ZNF536: variants seen among roughly 807,000 people sequenced by gnomAD.
The protein encoded by ZNF536 is zinc finger protein 536.
In ZNF536, 13 loss-of-function variants were observed where a neutral mutation model predicts 84.5. That is an observed-to-expected ratio of 0.15 (90% CI 0.10 to 0.24). ZNF536 has a LOEUF of 0.24. ZNF536 is among the 10% of genes least tolerant of loss of function. The probability of loss-of-function intolerance (pLI) is 1.00; values close to 1 mark genes in which losing one functional copy is unlikely to be tolerated. For missense variants in ZNF536, 1,536 were observed against 1,747.5 expected (o/e 0.88, Z 2.16); for synonymous variants, 811 against 742.5 (o/e 1.09, Z -1.50).
intron 2 of ZNF536, among the ~76,000 whole-genome samples, chr19:30,451,731 C>T (rs1016929987): frequency 6.6e-6 from 1 of 152,204 alleles, no homozygotes; most frequent in African/African-American, 2.4e-5. Context: ...CCTCACTTGG[C>T]CCATCTGTGG....
intron 2 of ZNF536, among the ~76,000 whole-genome samples, chr19:30,500,077 A>C (rs1258899455): frequency 6.6e-6 from 1 of 152,196 alleles, no homozygotes; most frequent in Non-Finnish European, 1.5e-5. Context: ...AATTTTTTCT[A>C]AATAATTTCT....
At chr19:30,579,007 T>C (rs2046834315) in intron 1 of ZNF536, among the ~76,000 whole-genome samples, 1 of 152,200 alleles carries the variant, frequency 6.6e-6, no homozygotes, top group Non-Finnish European at 1.5e-5. Context: ...CTCATAGAAA[T>C]AATAATAGTA....
chr19:30,416,797 T>G (rs1056979289), intron 1 of ZNF536, among the ~76,000 whole-genome samples: 2 of 152,202 alleles, frequency 1.3e-5, no homozygotes, highest in African/African-American at 4.8e-5. Context: ...GTGATTCATA[T>G]TCTTAGAGTG....
chr19:30,671,779 T>C (rs559223808), intron 1 of ZNF536, among the ~76,000 whole-genome samples: 1 of 152,292 alleles, frequency 6.6e-6, no homozygotes, highest in African/African-American at 2.4e-5. Flanking sequence ...CAGCCTCAAC[T>C]TGGGTGGTTG....
At chr19:30,237,248 T>A (rs1002313389) in intron 1 of ZNF536, among the ~76,000 whole-genome samples, 10 of 152,188 alleles carry the variant, frequency 6.6e-5, no homozygotes, top group Non-Finnish European at 1.3e-4. Context: ...AAATAATTTG[T>A]TCATTGATCT....
intron 2 of ZNF536, among the ~76,000 whole-genome samples, chr19:30,532,657 G>A (rs949749803): frequency 4.6e-5 from 7 of 152,024 alleles, no homozygotes; most frequent in African/African-American, 1.4e-4. Context: ...GAGGGAGGCC[G>A]GGAGGGCAAA....
At chr19:30,366,873 G>A (rs1368592783) in intron 3 of ZNF536, among the ~76,000 whole-genome samples, 1 of 152,198 alleles carries the variant, frequency 6.6e-6, no homozygotes, top group Admixed American at 6.5e-5. Flanking sequence ...GTTCAAACAG[G>A]GGGATCTGAA....
upstream of ZNF536, among the ~76,000 whole-genome samples, chr19:30,369,331 C>T (rs1277784615): frequency 6.6e-6 from 1 of 152,204 alleles, no homozygotes. Flanking sequence ...TTTGATGATA[C>T]TATTTCTGCC....
At chr19:30,417,730 G>A (rs1240651546) in intron 1 of ZNF536, among the ~76,000 whole-genome samples, 2 of 152,116 alleles carry the variant, frequency 1.3e-5, no homozygotes, top group Admixed American at 6.5e-5. Flanking sequence ...CGTCTCTAGT[G>A]TTTTATCACA....
At chr19:30,523,503 C>T (rs911689023) in intron 2 of ZNF536, among the ~76,000 whole-genome samples, 8 of 152,098 alleles carry the variant, frequency 5.3e-5, no homozygotes, top group East Asian at 1.9e-4. Context: ...CAAACCTCTC[C>T]GCTTATTCTG....
chr19:30,458,569 C>T (rs904650160), intron 2 of ZNF536, among the ~76,000 whole-genome samples: 1 of 149,946 alleles, frequency 6.7e-6, no homozygotes, highest in African/African-American at 2.5e-5. Flanking sequence ...TTTCCTGCCT[C>T]AGCCTCCCGA....
At chr19:30,297,911 C>T (rs61254267) in intron 2 of ZNF536, among the ~76,000 whole-genome samples, 33,894 of 145,366 alleles carry the variant, frequency 0.23, 5,101 homozygotes, top group East Asian at 0.54. Flanking sequence ...AGTCCCCCCC[C>T]CCTCTGTCGC....
chr19:30,304,378 T>G (rs2046284276), intron 2 of ZNF536, among the ~76,000 whole-genome samples: 1 of 152,180 alleles, frequency 6.6e-6, no homozygotes. Flanking sequence ...GGCTTTCTCA[T>G]TTGAGCCTTC....
At chr19:30,319,212 T>C (rs1022670943) in intron 2 of ZNF536, among the ~76,000 whole-genome samples, 3 of 152,220 alleles carry the variant, frequency 2.0e-5, no homozygotes, top group Non-Finnish European at 4.4e-5. Context: ...TGCCGGGAAG[T>C]TGGGGACACC....
upstream of ZNF536, among the ~76,000 whole-genome samples, chr19:30,368,227 T>C (rs1409751201): frequency 6.6e-6 from 1 of 152,146 alleles, no homozygotes; most frequent in Non-Finnish European, 1.5e-5. Context: ...CGTGGTGGGG[T>C]GGGGCCCGAA....
intron 2 of ZNF536, among the ~76,000 whole-genome samples, chr19:30,534,435 G>T (rs556560231): frequency 1.3e-5 from 2 of 152,176 alleles, no homozygotes; most frequent in African/African-American, 4.8e-5. Context: ...TTTGTTGCTT[G>T]CTATAATGCA....
At chr19:30,487,213 A>T (rs2054334744) in intron 2 of ZNF536, among the ~76,000 whole-genome samples, 1 of 152,182 alleles carries the variant, frequency 6.6e-6, no homozygotes, top group Non-Finnish European at 1.5e-5. Context: ...AGTATGAAAA[A>T]AGTTACCTGC....
At chr19:30,708,112 G>A (rs1229827806) in intron 1 of ZNF536, among the ~76,000 whole-genome samples, 8 of 152,154 alleles carry the variant, frequency 5.3e-5, no homozygotes, top group Admixed American at 5.2e-4. Flanking sequence ...CTTTGTGCCA[G>A]GCACTGGGCT....
upstream of ZNF536, among the ~76,000 whole-genome samples, chr19:30,367,547 A>T (rs1300179009): frequency 2.6e-5 from 4 of 152,112 alleles, no homozygotes; most frequent in African/African-American, 9.7e-5. Context: ...GGGCATGTGG[A>T]TGTGGAGTGC....
Sources: gnomAD v4.1 joint callset for allele counts (sites outside exome capture counted in the v4.1 genomes callset) on GRCh38, gnomAD v4.1.1 for gene constraint, MANE v1.5 for transcripts, NCBI Gene and HGNC (gene_info 2026-07-23, HGNC 2026-07-21) for gene names.